The following NRG1 variants were observed in gnomAD, a reference collection of about 807,000 sequenced individuals.
The protein encoded by NRG1 is pro-neuregulin-1, membrane-bound isoform.
Under a neutral mutation model 63.8 loss-of-function variants are expected in NRG1, and 18 were observed. The ratio of observed to expected loss-of-function variants is 0.28; its 90% CI spans 0.19 to 0.42. The LOEUF (loss-of-function observed/expected upper bound fraction) is 0.42. Among genes scored for constraint, NRG1 ranks in the 10% least tolerant of loss-of-function variants. The pLI is 1.00. For synonymous variants in NRG1, 302 were observed against 301.3 expected, an observed-to-expected ratio of 1.00 and a Z score of -0.02; for missense variants, 762 against 814.7, an observed-to-expected ratio of 0.94 and a Z score of 0.79.
intron 1 of NRG1, among the ~76,000 whole-genome samples, chr8:31,965,137 C>T (rs327409): frequency 0.85 from 128,893 of 151,880 alleles, 55,559 homozygotes; most frequent in African/African-American, 0.96. Context: ...TATTCCATGG[C>T]ATATATATAT....
At chr8:32,495,979 A>C (rs1587973282) in intron 1 of NRG1, among the ~76,000 whole-genome samples, 1 of 152,140 alleles carries the variant, frequency 6.6e-6, no homozygotes, top group Non-Finnish European at 1.5e-5. Flanking sequence ...CAGAATTACC[A>C]CTCTGTGGTG....
chr8:32,501,342 CATT>C (rs540337671), intron 1 of NRG1, among the ~76,000 whole-genome samples: 73 of 152,320 alleles, frequency 4.8e-4, no homozygotes, highest in Admixed American at 1.1e-3. Flanking sequence ...AAATCAAAAT[CATT>C]ATATCCATAC....
chr8:32,183,192 G>C (rs1841612673), intron 1 of NRG1, among the ~76,000 whole-genome samples: 1 of 152,142 alleles, frequency 6.6e-6, no homozygotes, highest in Admixed American at 6.6e-5. Flanking sequence ...TGTAGAACGT[G>C]CGTTCTAACT....
rs78561835 is a variant in NRG1 at position 31,810,802 on chromosome 8, G to A, written c.37+171371G>A. ...AACATGACCAGGGTATGGGACTGAT[G>A]ACTTCTCCACCAGCATATCCTCTGA... On this transcript the variant is annotated intron_variant, in intron 1 of 10. Transcript: ENST00000519301. 3.3e-3 allele frequency among the ~76,000 whole-genome samples: 509 copies of A among 152,246 alleles called. 27 individuals are homozygous for A. The East Asian group carries it at 0.09, about 27-fold the overall frequency.
chr8:31,652,859 C>G (rs892427910), intron 1 of NRG1, among the ~76,000 whole-genome samples: 1 of 151,850 alleles, frequency 6.6e-6, no homozygotes, highest in African/African-American at 2.4e-5. Flanking sequence ...TTTTCCTTTT[C>G]TTTTCTCTTT....
intron 1 of NRG1, among the ~76,000 whole-genome samples, chr8:32,058,075 A>G (rs752046558): frequency 1.3e-5 from 2 of 152,236 alleles, no homozygotes; most frequent in South Asian, 4.1e-4. Flanking sequence ...TTTACAAGTT[A>G]TACAAATGTA....
At chr8:31,972,061 T>C (rs1807378281) in intron 1 of NRG1, among the ~76,000 whole-genome samples, 1 of 152,140 alleles carries the variant, frequency 6.6e-6, no homozygotes, top group African/African-American at 2.4e-5. Flanking sequence ...GCTCAGACAA[T>C]GAGGGTGGCT....
chr8:32,568,095 T>C (rs909774317), intron 1 of NRG1, among the ~76,000 whole-genome samples: 1 of 152,224 alleles, frequency 6.6e-6, no homozygotes, highest in Admixed American at 6.5e-5. Context: ...GGCCTAAGTA[T>C]TATTAAAGCA....
At chr8:32,292,346 A>T (rs1854301914) in intron 1 of NRG1, among the ~76,000 whole-genome samples, 1 of 152,168 alleles carries the variant, frequency 6.6e-6, no homozygotes, top group Admixed American at 6.5e-5. Context: ...GTCCCATCTG[A>T]CTGTAATAAA....
intron 1 of NRG1, among the ~76,000 whole-genome samples, chr8:32,125,750 A>G (rs982058918): frequency 3.3e-5 from 5 of 151,920 alleles, no homozygotes; most frequent in African/African-American, 1.2e-4. Context: ...AAGTCTTTTG[A>G]TAAGAAAGAT....
intron 1 of NRG1, among the ~76,000 whole-genome samples, chr8:32,201,768 T>C (rs1032723511): frequency 6.6e-6 from 1 of 152,192 alleles, no homozygotes; most frequent in Non-Finnish European, 1.5e-5. Flanking sequence ...TGTCCAAATT[T>C]GTCAAATACG....
chr8:32,295,328 A>G (rs1339420603), intron 1 of NRG1, among the ~76,000 whole-genome samples: 1 of 152,160 alleles, frequency 6.6e-6, no homozygotes, highest in Admixed American at 6.5e-5. Flanking sequence ...TCCATTTTAT[A>G]ACACATCTAG....
intron 6 of NRG1, among the ~76,000 whole-genome samples, chr8:32,739,932 A>G (rs895179067): frequency 1.3e-5 from 2 of 152,164 alleles, no homozygotes; most frequent in African/African-American, 2.4e-5. Context: ...GAATTCAAAG[A>G]AGCAGGATGG....
chr8:32,193,000 G>A (rs1191542980), intron 1 of NRG1, among the ~76,000 whole-genome samples: 1 of 151,936 alleles, frequency 6.6e-6, no homozygotes, highest in Non-Finnish European at 1.5e-5. Flanking sequence ...TTTATTTTCT[G>A]ATGTTTCCTA....
intron 1 of NRG1, among the ~76,000 whole-genome samples, chr8:32,581,446 T>C (rs1204483520): frequency 6.6e-6 from 1 of 152,208 alleles, no homozygotes; most frequent in Non-Finnish European, 1.5e-5. Flanking sequence ...ATATGGAGTG[T>C]TTGAATCACA....
upstream of NRG1, among the ~76,000 whole-genome samples, chr8:32,543,527 C>T (rs13277616): frequency 0.062 from 9,426 of 152,012 alleles, 385 homozygotes; most frequent in Non-Finnish European, 0.094. Context: ...AAATGTATGA[C>T]GTTGGCCCTG....
chr8:31,730,241 G>A (rs1032114284), intron 1 of NRG1, among the ~76,000 whole-genome samples: 2 of 152,152 alleles, frequency 1.3e-5, no homozygotes, highest in African/African-American at 4.8e-5. Context: ...AGGAAGTAGT[G>A]AATTCAAGCT....
chr8:32,234,095 A>G (rs1300905131), intron 1 of NRG1, among the ~76,000 whole-genome samples: 1 of 152,234 alleles, frequency 6.6e-6, no homozygotes, highest in East Asian at 1.9e-4. Flanking sequence ...TGAAATTCAT[A>G]AACAGAATTA....
intron 1 of NRG1, among the ~76,000 whole-genome samples, chr8:32,555,482 C>A (rs1834943678): frequency 6.6e-6 from 1 of 152,050 alleles, no homozygotes; most frequent in African/African-American, 2.4e-5. Flanking sequence ...TATTTATGTA[C>A]TTTTTTTGAG....
Sources: allele counts gnomAD v4.1 joint callset (sites outside exome capture counted in the v4.1 genomes callset), GRCh38; gene constraint gnomAD v4.1.1; transcripts MANE v1.5; gene names NCBI Gene and HGNC (gene_info 2026-07-23, HGNC 2026-07-21).